MYPN: variants seen among roughly 807,000 people sequenced by gnomAD.
MYPN encodes sarcomeric protein myopalladin, 145 kDa (MYOP).
Under a neutral mutation model 129.4 loss-of-function variants are expected in MYPN, and 63 were observed. The observed-to-expected ratio is 0.49, with a 90% CI of 0.40 to 0.60. The LOEUF is 0.60. Ranked by LOEUF, MYPN falls within the 20% of genes least tolerant of loss-of-function variation. MYPN has a pLI of 0.00. For synonymous variants in MYPN, 629 were observed against 600.9 expected (o/e 1.05, Z -0.68); for missense variants, 1,596 against 1,635.4 (o/e 0.98, Z 0.42).
intron 18 of MYPN, among the ~76,000 whole-genome samples, chr10:68,202,389 C>T (rs535103829): frequency 3.3e-5 from 5 of 151,718 alleles, no homozygotes; most frequent in Admixed American, 6.6e-5. Context: ...GCTGAGATTG[C>T]GCCACGGGAC....
chr10:68,106,015 C>A, upstream of MYPN: 1 of 353,528 alleles, frequency 2.8e-6, no homozygotes, highest in Non-Finnish European at 5.6e-6. Flanking sequence ...TTCTAAATGA[C>A]TGTCCCTGGA....
At chr10:68,106,454 A>G (rs1323807135), upstream of MYPN, 1 of 477,228 alleles carries the variant, frequency 2.1e-6, no homozygotes, top group Non-Finnish European at 3.8e-6. Context: ...TGGATAGTCA[A>G]GAACTTGTCT....
chr10:68,133,149 C>T (rs1004408960), intron 2 of MYPN, among the ~76,000 whole-genome samples: 10 of 151,744 alleles, frequency 6.6e-5, no homozygotes, highest in African/African-American at 9.7e-5. Context: ...CCTCAGCCTC[C>T]GTAGTAGCTG....
At chr10:68,141,220 T>C (rs56941894) in intron 2 of MYPN, among the ~76,000 whole-genome samples, 15,091 of 152,044 alleles carry the variant, frequency 0.099, 876 homozygotes, top group Admixed American at 0.16. Flanking sequence ...AATACAAAAA[T>C]TAGCTGGGCG....
chr10:68,197,496 T>C lies in MYPN; in HGVS notation c.3285+18T>C, dbSNP rs774798945. 13 of 1,612,958 alleles carry C rather than the reference T, an allele frequency of 8.1e-6. No homozygotes were observed. The African/African-American group carries it at 1.6e-4, about 20-fold the overall frequency. On this transcript the variant is annotated intron_variant, in intron 16 of 19. Coordinates refer to ENST00000358913, the MANE Select transcript of MYPN (RefSeq NM_032578.4). ...ACTGTAAGGTAGACTCCAGCACCCA[T>C]GCTTAGTTCCAGATCTGTTCATATT...
intron 12 of MYPN, among the ~76,000 whole-genome samples, chr10:68,179,030 C>T (rs757050301): frequency 1.3e-4 from 20 of 151,848 alleles, no homozygotes; most frequent in Non-Finnish European, 2.5e-4. Context: ...AGATACTGCC[C>T]TACGTGACAG....
chr10:68,187,502 C>T (rs1366663939), intron 12 of MYPN, among the ~76,000 whole-genome samples: 1 of 152,182 alleles, frequency 6.6e-6, no homozygotes, highest in Non-Finnish European at 1.5e-5. Context: ...TTGGTTTAAT[C>T]ACTCAACCAA....
At chr10:68,202,882 G>A (rs1246284209) in intron 18 of MYPN, among the ~76,000 whole-genome samples, 2 of 152,082 alleles carry the variant, frequency 1.3e-5, no homozygotes, top group East Asian at 3.9e-4. Context: ...TGGGGGTGTG[G>A]GGGTGTGCAT....
At chr10:68,142,886 T>C in intron 2 of MYPN, 54 bp from the exon 3 acceptor site, 1 of 1,519,158 alleles carries the variant, frequency 6.6e-7, no homozygotes, top group Admixed American at 1.7e-5. Flanking sequence ...GAGCTGTCTA[T>C]GTTATTGTCT....
upstream of MYPN, among the ~76,000 whole-genome samples, chr10:68,104,243 GT>G (rs1236749020): frequency 6.6e-6 from 1 of 152,132 alleles, no homozygotes; most frequent in East Asian, 1.9e-4. Flanking sequence ...TTTGTTTTCA[GT>G]TTTTGGAGAT....
At chr10:68,127,225 G>C (rs1187290490) in intron 2 of MYPN, among the ~76,000 whole-genome samples, 1 of 150,110 alleles carries the variant, frequency 6.7e-6, no homozygotes, top group African/African-American at 2.4e-5. Flanking sequence ...GGCTGATCTT[G>C]AACTCCTGAC....
intron 1 of MYPN, chr10:68,114,224 C>T (rs1477488937): frequency 6.6e-6 from 1 of 151,964 alleles, no homozygotes; most frequent in Non-Finnish European, 1.5e-5. Context: ...CATGTATTTC[C>T]AACAACAGGG....
chr10:68,182,471 T>TATATATATAC (rs780542025), intron 12 of MYPN, among the ~76,000 whole-genome samples: 4 of 104,672 alleles, frequency 3.8e-5, no homozygotes, highest in Admixed American at 1.1e-4. Context: ...ATAACATATA[T>TATATATATAC]ACACACACAC....
chr10:68,164,461 G>T (rs1377175455), intron 8 of MYPN, among the ~76,000 whole-genome samples: 1 of 152,158 alleles, frequency 6.6e-6, no homozygotes, highest in African/African-American at 2.4e-5. Flanking sequence ...GAGCATTGGG[G>T]GACATGTTCA....
chr10:68,160,193 A>C (rs925225631), intron 7 of MYPN, among the ~76,000 whole-genome samples: 2 of 152,076 alleles, frequency 1.3e-5, no homozygotes, highest in Admixed American at 1.3e-4. Context: ...CAGACGGATC[A>C]CTTGAGGTCG....
At chr10:68,182,412 T>TAACAC (rs2043342486) in intron 12 of MYPN, among the ~76,000 whole-genome samples, 1 of 63,112 alleles carries the variant, frequency 1.6e-5, no homozygotes, top group African/African-American at 3.6e-5. Context: ...AACACATATA[T>TAACAC]ATAACATATA....
intron 2 of MYPN, among the ~76,000 whole-genome samples, chr10:68,125,042 A>T (rs28415333): frequency 0.15 from 22,133 of 151,882 alleles, 1,827 homozygotes; most frequent in African/African-American, 0.23. Flanking sequence ...TAGATTGATT[A>T]AAACAAAAAT....
intron 2 of MYPN, among the ~76,000 whole-genome samples, chr10:68,142,215 C>T (rs746155664): frequency 2.6e-5 from 4 of 152,132 alleles, no homozygotes; most frequent in African/African-American, 9.7e-5. Flanking sequence ...CAATCTTCTA[C>T]GTGAAGAATG....
At chr10:68,101,081 T>C (rs1212048856) in intron 1 of MYPN, among the ~76,000 whole-genome samples, 6 of 152,210 alleles carry the variant, frequency 3.9e-5, no homozygotes, top group Non-Finnish European at 5.9e-5. Flanking sequence ...ATGTGCCTAC[T>C]TTGTGTCATG....
Sources: gnomAD v4.1 joint callset for allele counts (sites outside exome capture counted in the v4.1 genomes callset) on GRCh38, gnomAD v4.1.1 for gene constraint, MANE v1.5 for transcripts, NCBI Gene and HGNC (gene_info 2026-07-23, HGNC 2026-07-21) for gene names.